ESRRB: variants seen among roughly 807,000 people sequenced by gnomAD.
The protein encoded by ESRRB is estrogen related receptor beta, also known as steroid hormone receptor ERR2.
A neutral mutation model predicts 46.0 loss-of-function variants in ESRRB; 16 were observed. The observed-to-expected ratio is 0.35, with a 90% CI of 0.24 to 0.53. The LOEUF (loss-of-function observed/expected upper bound fraction) is 0.53, where lower values mean the gene tolerates loss of function less well. Among genes scored for constraint, ESRRB ranks in the 20% least tolerant of loss-of-function variants. The probability of loss-of-function intolerance (pLI) is 0.93; values close to 1 mark genes in which losing one functional copy is unlikely to be tolerated. For missense variants in ESRRB, 488 were observed against 607.4 expected, an observed-to-expected ratio of 0.80 and a Z score of 2.07; for synonymous variants, 246 against 259.6, an observed-to-expected ratio of 0.95 and a Z score of 0.50.
chr14:76,351,267 T>C (rs912897479), intron 1 of ESRRB, among the ~76,000 whole-genome samples: 1 of 152,162 alleles, frequency 6.6e-6, no homozygotes, highest in Non-Finnish European at 1.5e-5. Flanking sequence ...AATAAATAAA[T>C]GTATTGTCTC....
Position 76,386,917 on chromosome 14 carries a change from C to T in ESRRB, c.50+10466C>T, listed in dbSNP as rs928279500. ...TAGGGAGGAACAGGGTAAGTCAAGT[C>T]TTTTTGGGAACCTGTCTGTGCCTGA... On this transcript the variant is annotated intron_variant, in intron 1 of 6. Coordinates refer to ENST00000644823, the MANE Select transcript of ESRRB (RefSeq NM_001379180.1). Among the ~76,000 whole-genome samples, 3 of 152,176 alleles carry T rather than the reference C, an allele frequency of 2.0e-5. No individual in the cohort carries two copies. The East Asian group carries it at 5.8e-4, about 29-fold the overall frequency.
chr14:76,323,530 G>A (rs1422779335), intron 1 of ESRRB, among the ~76,000 whole-genome samples: 1 of 151,902 alleles, frequency 6.6e-6, no homozygotes, highest in African/African-American at 2.4e-5. Context: ...GGCTTGTCTT[G>A]AACTCCTGGG....
At chr14:76,489,480 C>CACACACACACACACACACACACACACACA (rs1890138576) in intron 5 of ESRRB, among the ~76,000 whole-genome samples, 2 of 150,818 alleles carry the variant, frequency 1.3e-5, no homozygotes, top group African/African-American at 4.9e-5. Context: ...CACACACACA[C>CACACACACACACACACACACACACACACA]CCTGATCCCC....
At chr14:76,461,657 T>C (rs57118671) in intron 2 of ESRRB, among the ~76,000 whole-genome samples, 49,033 of 151,946 alleles carry the variant, frequency 0.32, 9,039 homozygotes, top group African/African-American at 0.51. Flanking sequence ...TACAGGCACA[T>C]GCCACCACAC....
chr14:76,322,761 G>A (rs944124541), intron 1 of ESRRB, among the ~76,000 whole-genome samples: 6 of 152,270 alleles, frequency 3.9e-5, no homozygotes, highest in Admixed American at 2.6e-4. Flanking sequence ...GTCTTCTGCC[G>A]ATGCTGATTC....
At chr14:76,384,642 G>A (rs759557478) in intron 1 of ESRRB, among the ~76,000 whole-genome samples, 1 of 152,138 alleles carries the variant, frequency 6.6e-6, no homozygotes, top group Non-Finnish European at 1.5e-5. Flanking sequence ...CCCCACTACT[G>A]CCGGCTTCTA....
chr14:76,479,368 T>C (rs1224891307), intron 3 of ESRRB, among the ~76,000 whole-genome samples: 1 of 152,180 alleles, frequency 6.6e-6, no homozygotes, highest in East Asian at 1.9e-4. Context: ...GGAGCCTCAG[T>C]TGCCCACAGC....
chr14:76,420,485 C>T (rs67868922), intron 1 of ESRRB, among the ~76,000 whole-genome samples: 4,766 of 151,762 alleles, frequency 0.031, 184 homozygotes, highest in East Asian at 0.19. Context: ...GTTGCAGTTC[C>T]GACATTAATG....
At chr14:76,327,348 G>T (rs1321872494) in intron 1 of ESRRB, among the ~76,000 whole-genome samples, 1 of 152,218 alleles carries the variant, frequency 6.6e-6, no homozygotes, top group African/African-American at 2.4e-5. Context: ...GCTCATGTGA[G>T]TCCAAGGGGA....
At chr14:76,407,968 C>G (rs1052199501) in intron 1 of ESRRB, among the ~76,000 whole-genome samples, 1 of 152,196 alleles carries the variant, frequency 6.6e-6, no homozygotes, top group Non-Finnish European at 1.5e-5. Flanking sequence ...GCAGCCCAGC[C>G]CTAGCACAGA....
intron 1 of ESRRB, among the ~76,000 whole-genome samples, chr14:76,355,286 A>C (rs1290097083): frequency 6.6e-6 from 1 of 152,130 alleles, no homozygotes; most frequent in African/African-American, 2.4e-5. Context: ...GGGACCCGAA[A>C]TACTGAGTTT....
At chr14:76,465,174 G>A (rs1040478126) in intron 3 of ESRRB, among the ~76,000 whole-genome samples, 8 of 152,190 alleles carry the variant, frequency 5.3e-5, no homozygotes, top group African/African-American at 1.9e-4. Context: ...GGGCTGGGGT[G>A]AGATGACTCC....
chr14:76,330,737 G>T (rs1339323255), intron 1 of ESRRB, among the ~76,000 whole-genome samples: 1 of 152,216 alleles, frequency 6.6e-6, no homozygotes, highest in Admixed American at 6.5e-5. Context: ...GCTGTCCCTG[G>T]TGGAGGAAAC....
intron 1 of ESRRB, among the ~76,000 whole-genome samples, chr14:76,333,445 AT>A (rs1566854128): frequency 7.7e-6 from 1 of 130,008 alleles, no homozygotes. Context: ...TATATGATAT[AT>A]AAGTATATCA....
exon 1 of ESRRB, chr14:76,310,894 T>A (rs1435080722): frequency 2.2e-6 from 1 of 454,080 alleles, no homozygotes; most frequent in Admixed American, 2.4e-5. Context: ...CCAGTCCTCG[T>A]CCTCCACGCC....
rs1451634113 is a variant in ESRRB, at chr14:76,326,534, CAGCTCCTCTGGT to C, written c.2+15623_2+15634del. ...AAGTAGATGAGCCATACGGAAGCAC[CAGCTCCTCTGGT>C]AGCTAAAGTTCATGGACAGTGAGTG... is the stretch of plus-strand genomic sequence containing the variant. On this transcript the variant is annotated intron_variant, in intron 1 of 6. Coordinates refer to the ESRRB transcript ENST00000512784. Among the ~76,000 whole-genome samples the C allele has an allele frequency of 1.6e-4, 25 of 152,328 alleles. 1 individual carries two copies. The highest frequency in any genetic ancestry group is 5.3e-4 in the African/African-American group (22 of 41,562).
chr14:76,314,965 A>T (rs1346322181), intron 1 of ESRRB, among the ~76,000 whole-genome samples: 1 of 152,006 alleles, frequency 6.6e-6, no homozygotes, highest in Non-Finnish European at 1.5e-5. Context: ...TTCTGCCACC[A>T]ACCAAGTGAG....
chr14:76,497,470 C>A (rs957822683), intron 6 of ESRRB, among the ~76,000 whole-genome samples: 2 of 152,152 alleles, frequency 1.3e-5, no homozygotes, highest in African/African-American at 4.8e-5. Flanking sequence ...TGCCTCCCTG[C>A]CGTGCTGGGA....
chr14:76,460,709 A>ATTTTTT (rs58597850), intron 2 of ESRRB, among the ~76,000 whole-genome samples: 5 of 141,564 alleles, frequency 3.5e-5, no homozygotes, highest in African/African-American at 1.4e-4. Flanking sequence ...TTCCAGTTAC[A>ATTTTTT]TTTTTTTTTG....
Sources: allele counts gnomAD v4.1 joint callset (sites outside exome capture counted in the v4.1 genomes callset), GRCh38; gene constraint gnomAD v4.1.1; transcripts MANE v1.5; gene names NCBI Gene and HGNC (gene_info 2026-07-23, HGNC 2026-07-21).